The following ZNF431 variants were observed in gnomAD, a reference collection of about 807,000 sequenced individuals.
ZNF431 encodes the protein zinc finger protein 431.
A neutral mutation model predicts 57.0 loss-of-function variants in ZNF431; 34 were observed. The ratio of observed to expected loss-of-function variants is 0.60; its 90% CI spans 0.45 to 0.79. The LOEUF is 0.79. Among genes scored for constraint, ZNF431 ranks in the 30% least tolerant of loss-of-function variants. The pLI, the probability that ZNF431 is intolerant of heterozygous loss-of-function variation, is 0.00. For missense variants in ZNF431, 607 were observed against 667.1 expected, an observed-to-expected ratio of 0.91 and a Z score of 0.99; for synonymous variants, 207 against 220.3, an observed-to-expected ratio of 0.94 and a Z score of 0.54.
At chr19:21,153,448 A>T (rs1970333718) in intron 2 of ZNF431, among the ~76,000 whole-genome samples, 1 of 152,242 alleles carries the variant, frequency 6.6e-6, no homozygotes, top group South Asian at 2.1e-4. Context: ...AGCACCATCT[A>T]AGTCATAATG....
At chr19:21,175,495 T>C in intron 4 of ZNF431, 1 of 693,718 alleles carries the variant, frequency 1.4e-6, no homozygotes, top group East Asian at 2.7e-5. Flanking sequence ...TAAGTAAATG[T>C]GTGCTGTGGT....
intron 4 of ZNF431, among the ~76,000 whole-genome samples, chr19:21,178,976 AATT>A (rs1454246123): frequency 6.6e-6 from 1 of 152,116 alleles, no homozygotes; most frequent in Non-Finnish European, 1.5e-5. Flanking sequence ...CCTCTGGTAG[AATT>A]CAGCTATAAA....
chr19:21,160,528 A>G (rs1286973856), intron 2 of ZNF431, among the ~76,000 whole-genome samples: 1 of 152,148 alleles, frequency 6.6e-6, no homozygotes, highest in Middle Eastern at 3.2e-3. Context: ...GCTCCACCAG[A>G]GCAGTTCCAT....
chr19:21,178,811 G>GTA (rs1180283918), intron 4 of ZNF431, among the ~76,000 whole-genome samples: 3 of 151,498 alleles, frequency 2.0e-5, no homozygotes, highest in Non-Finnish European at 2.9e-5. Flanking sequence ...GTGTGTGTGT[G>GTA]TGTGTGTGTT....
chr19:21,183,936 T>G lies in ZNF431; in HGVS notation c.1633T>G (p.Cys545Gly). The change falls in exon 5 of 5, where the codon TGT becomes GGT. Residue 545 changes from cysteine to glycine, a missense_variant. Transcript: ENST00000311048. ...TRQKPYNCEE[C>G]DNTFNQSSNL... ...ACAGAAACCCTACAACTGTGAAGAA[T>G]GTGACAATACATTTAACCAGTCCTC... 6.2e-7 allele frequency: 1 copy of G among 1,612,712 alleles called. No individual in the cohort carries two copies. Among genetic ancestry groups the G allele is most frequent in the African/African-American group, 1.3e-5 (1 of 74,966 alleles).
chr19:21,149,867 A>G (rs1970217936), intron 2 of ZNF431: 2 of 645,162 alleles, frequency 3.1e-6, no homozygotes, highest in African/African-American at 1.8e-5. Context: ...CCTGTGGACT[A>G]GACGTCCTAG....
Position 21,182,640 on chromosome 19 carries a change from A to G in ZNF431, c.337A>G (p.Thr113Ala). ...DEPPAMCSYF[T>A]KDLWPEQDIK... Reference sequence around the variant, plus strand: ...TCTTTCAGCTATGTGTTCTTATTTTACCAAAGACCTTTGGCCAGAGCAAGA... The same window carrying G: ...TCTTTCAGCTATGTGTTCTTATTTTGCCAAAGACCTTTGGCCAGAGCAAGA... The change falls in exon 5 of 5, where the codon ACC becomes GCC. Residue 113 changes from threonine to alanine, a missense_variant. Physicochemically the swap from Thr to Ala is moderately conservative, Grantham distance 58. Coordinates refer to ENST00000311048, the MANE Select transcript of ZNF431 (RefSeq NM_133473.4). 6.3e-7 allele frequency: 1 copy of G among 1,599,216 alleles called. No homozygotes were observed. Among genetic ancestry groups the G allele is most frequent in the African/African-American group, 1.4e-5 (1 of 74,032 alleles).
rs1970227059 is a variant in ZNF431, at chr19:21,150,062, A to T, written c.96+6419A>T. 4.8e-6 allele frequency: 3 copies of T among 626,920 alleles called. No individual in the cohort carries two copies. The Admixed American group carries it at 6.3e-5, about 13-fold the overall frequency. 38.8% of individuals were successfully genotyped at this position (626,920 alleles called of 1,614,324 possible). A position where few individuals can be genotyped will look rare whatever the true frequency, so the allele number is the denominator to read the frequency against. On this transcript the variant is annotated intron_variant, in intron 2 of 4. Transcript: ENST00000311048. ...AAGGACACGTGGTCTCTTAATAAGG[A>T]TGTCCCCTTTGTCAGCAGCTTTCTT...
chr19:21,149,249 G>A (rs1970195449), intron 2 of ZNF431, among the ~76,000 whole-genome samples: 1 of 152,064 alleles, frequency 6.6e-6, no homozygotes, highest in Non-Finnish European at 1.5e-5. Flanking sequence ...TAGGTAAATT[G>A]AACAATTTTT....
chr19:21,158,627 C>A (rs1050629250), intron 2 of ZNF431, among the ~76,000 whole-genome samples: 1 of 151,392 alleles, frequency 6.6e-6, no homozygotes, highest in Non-Finnish European at 1.5e-5. Context: ...TTTGATTTGG[C>A]TTTTGGCTTG....
At chr19:21,178,465 GATGTATGTTTC>G (rs1971119176) in intron 4 of ZNF431, among the ~76,000 whole-genome samples, 1 of 151,964 alleles carries the variant, frequency 6.6e-6, no homozygotes, top group Non-Finnish European at 1.5e-5. Flanking sequence ...TTATTATTTT[GATGTATGTTTC>G]ATGAATACCT....
At chr19:21,163,725 T>G (rs1329255806) in intron 2 of ZNF431, among the ~76,000 whole-genome samples, 2 of 151,994 alleles carry the variant, frequency 1.3e-5, no homozygotes, top group South Asian at 2.1e-4. Context: ...TCTCCCTGTT[T>G]GTCAGGCTGG....
In ZNF431 at chr19:21,185,892, G is replaced by A. The variant is rs1196392684; in HGVS notation, c.*1858G>A. The A allele has an allele frequency of 6.6e-6, 1 of 152,056 alleles. No homozygotes were observed. Among genetic ancestry groups the A allele is most frequent in the African/African-American group, 2.4e-5 (1 of 41,400 alleles). 9.4% of individuals were successfully genotyped at this position (152,056 alleles called of 1,614,324 possible). On this transcript the variant is annotated 3_prime_UTR_variant, in exon 5 of 5. Coordinates refer to ENST00000311048, the MANE Select transcript of ZNF431 (RefSeq NM_133473.4). ...ACACTTTAAAAAAAAATTTTTAAAT[G>A]TACAATTAAATTTTTATTTACCACA...
At position 21,184,000 on chromosome 19, in the gene ZNF431, C is replaced by T. The variant is rs1971293747; in HGVS notation, c.1697C>T (p.Thr566Ile). Residue 566 changes from threonine (T) to isoleucine (I), a missense_variant, in exon 5 of 5, where the codon ACT (threonine) becomes ATT (isoleucine). Coordinates refer to ENST00000311048, the MANE Select transcript of ZNF431 (RefSeq NM_133473.4). ...CAAAATAATTCATACTGGAGAGAAA[C>T]TCTACAAATGTCAAGAATGTGGGAA... The part of the protein sequence containing the change: ...IKQNNSYWRE[T>I]LQMSRMWESL 1 of 1,579,184 alleles carries T rather than the reference C, an allele frequency of 6.3e-7. No homozygotes were observed.
In ZNF431 at chr19:21,152,614, A is replaced by G. The variant is rs547988315; in HGVS notation, c.96+8971A>G. 8.6e-4 allele frequency among the ~76,000 whole-genome samples: 131 copies of G among 152,300 alleles called. 1 individual carries two copies. The highest frequency in any genetic ancestry group is 2.9e-3 in the African/African-American group (122 of 41,558). Reference sequence around the variant, plus strand: ...TCTTAGGAAGGAATATAACCTTTCTAAGCTCGGCCTCAAATCCAAGTTCAG... The same window carrying G: ...TCTTAGGAAGGAATATAACCTTTCTGAGCTCGGCCTCAAATCCAAGTTCAG... On this transcript the variant is annotated intron_variant, in intron 2 of 4. Coordinates refer to ENST00000311048, the MANE Select transcript of ZNF431 (RefSeq NM_133473.4).
At chr19:21,144,890 A>G (rs565898029) in intron 2 of ZNF431, among the ~76,000 whole-genome samples, 1 of 152,278 alleles carries the variant, frequency 6.6e-6, no homozygotes, top group African/African-American at 2.4e-5. Context: ...TTGATTTCTG[A>G]GTTTCATGCT....
chr19:21,178,488 G>A (rs1971119697), intron 4 of ZNF431, among the ~76,000 whole-genome samples: 1 of 152,044 alleles, frequency 6.6e-6, no homozygotes, highest in Non-Finnish European at 1.5e-5. Flanking sequence ...TGAATACCTT[G>A]TTTATTGAGA....
At chr19:21,163,632 C>T (rs1442938043) in intron 2 of ZNF431, among the ~76,000 whole-genome samples, 5 of 152,146 alleles carry the variant, frequency 3.3e-5, no homozygotes, top group African/African-American at 1.2e-4. Context: ...AGCGATTCTC[C>T]TGCCTCAGCC....
At chr19:21,153,434 A>G (rs929551661) in intron 2 of ZNF431, among the ~76,000 whole-genome samples, 12 of 152,230 alleles carry the variant, frequency 7.9e-5, no homozygotes, top group African/African-American at 2.9e-4. Context: ...AAATAAGAAA[A>G]GAGAGCACCA....
Sources: gnomAD v4.1 joint callset for allele counts (sites outside exome capture counted in the v4.1 genomes callset) on GRCh38, gnomAD v4.1.1 for gene constraint, MANE v1.5 for transcripts, NCBI Gene and HGNC (gene_info 2026-07-23, HGNC 2026-07-21) for gene names.